The following ZNF385D variants were observed in gnomAD, a reference collection of about 807,000 sequenced individuals.
ZNF385D encodes zinc finger protein 385D.
ZNF385D carries 15 observed loss-of-function variants against 35.8 expected under a neutral mutation model. That is an observed-to-expected ratio of 0.42 (90% CI 0.28 to 0.64). ZNF385D has a LOEUF of 0.64. ZNF385D is among the 30% of genes least tolerant of loss of function. ZNF385D has a pLI of 0.23. For synonymous variants in ZNF385D, 212 were observed against 186.8 expected (o/e 1.13, Z -1.10); for missense variants, 474 against 494.6 (o/e 0.96, Z 0.39).
At chr3:22,218,172 T>G (rs1230678816) in intron 2 of ZNF385D, among the ~76,000 whole-genome samples, 3 of 152,138 alleles carry the variant, frequency 2.0e-5, no homozygotes, top group Non-Finnish European at 4.4e-5. Context: ...ATCAAATCTT[T>G]AGATCAATTT....
At chr3:21,716,941 G>T (rs991184242) in intron 1 of ZNF385D, among the ~76,000 whole-genome samples, 16 of 152,056 alleles carry the variant, frequency 1.1e-4, no homozygotes, top group African/African-American at 3.9e-4. Flanking sequence ...GGCCAACATG[G>T]TGAAACCCCG....
intron 3 of ZNF385D, among the ~76,000 whole-genome samples, chr3:21,813,839 G>A (rs1245808161): frequency 1.3e-5 from 2 of 152,002 alleles, no homozygotes; most frequent in African/African-American, 2.4e-5. Context: ...TGAAATTCAG[G>A]AAATACAGAG....
At chr3:21,447,284 A>G (rs2125266967) in intron 4 of ZNF385D, among the ~76,000 whole-genome samples, 1 of 152,308 alleles carries the variant, frequency 6.6e-6, no homozygotes, top group African/African-American at 2.4e-5. Context: ...AATGATTTGG[A>G]TGCCACTAGA....
intron 3 of ZNF385D, among the ~76,000 whole-genome samples, chr3:21,806,112 T>G (rs2072630407): frequency 6.6e-6 from 1 of 152,104 alleles, no homozygotes; most frequent in Non-Finnish European, 1.5e-5. Context: ...GGTACTCAAG[T>G]GGTGCTTGCC....
chr3:22,354,035 CT>C (rs113069185), intron 2 of ZNF385D, among the ~76,000 whole-genome samples: 2 of 151,828 alleles, frequency 1.3e-5, no homozygotes, highest in Admixed American at 6.6e-5. Context: ...GCATTATCTT[CT>C]TTTTTTTGGT....
At chr3:21,428,090 G>A (rs1214656962) in intron 5 of ZNF385D, among the ~76,000 whole-genome samples, 1 of 152,074 alleles carries the variant, frequency 6.6e-6, no homozygotes, top group East Asian at 1.9e-4. Flanking sequence ...CTTAAAGCTT[G>A]AGTAGGCAGT....
At chr3:21,494,620 C>T (rs1416586530) in intron 4 of ZNF385D, among the ~76,000 whole-genome samples, 2 of 152,142 alleles carry the variant, frequency 1.3e-5, no homozygotes, top group Non-Finnish European at 2.9e-5. Context: ...ATTTTCCTAA[C>T]TCAGAACCTG....
Position 22,043,696 on chromosome 3 carries a change from T to G in ZNF385D, c.325+125121A>C, listed in dbSNP as rs575940958. Among the ~76,000 whole-genome samples the G allele has an allele frequency of 2.0e-4, 30 of 151,486 alleles. No homozygotes were observed. In the South Asian group the frequency reaches 6.1e-3, roughly 31 times the overall value. On this transcript the variant is annotated intron_variant, in intron 3 of 5. Coordinates refer to the ZNF385D transcript ENST00000494108. ...CCCTTGCCTAAGGGTCTTCAAGACC[T>G]TGTTGCAGCCTCACCTCATTGACTG...
At chr3:21,652,882 G>A (rs1346832895) in intron 2 of ZNF385D, among the ~76,000 whole-genome samples, 1 of 152,128 alleles carries the variant, frequency 6.6e-6, no homozygotes, top group African/African-American at 2.4e-5. Flanking sequence ...GATCACCTGA[G>A]TATTAACGTG....
At chr3:22,049,785 T>A (rs1318227677) in intron 3 of ZNF385D, among the ~76,000 whole-genome samples, 1 of 152,162 alleles carries the variant, frequency 6.6e-6, no homozygotes, top group African/African-American at 2.4e-5. Flanking sequence ...ATTCTGTTAA[T>A]GTGGTATATT....
chr3:21,797,746 T>G lies in ZNF385D; in HGVS notation c.326-132718A>C, dbSNP rs75659211. On this transcript the variant is annotated intron_variant, in intron 3 of 5. Transcript: ENST00000494108. The stretch of plus-strand genomic sequence containing the variant: ...ATATTATCAAGTGAAACGAGCAAAT[T>G]TGAAGAGGCCCCATGCTATATGATT... 3.2e-3 allele frequency among the ~76,000 whole-genome samples: 489 copies of G among 152,212 alleles called. 1 individual carries two copies. The highest frequency in any genetic ancestry group is 5.7e-3 in the Non-Finnish European group (391 of 68,008).
At chr3:22,328,000 T>C (rs1211674216) in intron 2 of ZNF385D, among the ~76,000 whole-genome samples, 1 of 152,216 alleles carries the variant, frequency 6.6e-6, no homozygotes, top group Admixed American at 6.5e-5. Flanking sequence ...CTTCTAAATA[T>C]ACACATTATT....
chr3:21,572,628 T>G (rs2063368564), intron 2 of ZNF385D, among the ~76,000 whole-genome samples: 1 of 152,048 alleles, frequency 6.6e-6, no homozygotes, highest in Non-Finnish European at 1.5e-5. Context: ...CTGTTAAGAG[T>G]GTTTCAGGTA....
chr3:21,738,040 C>G (rs919675519), intron 1 of ZNF385D, among the ~76,000 whole-genome samples: 5 of 152,200 alleles, frequency 3.3e-5, no homozygotes, highest in Admixed American at 1.3e-4. Flanking sequence ...ATATCTCCAG[C>G]CCTGTGCAGA....
intron 3 of ZNF385D, among the ~76,000 whole-genome samples, chr3:22,158,507 A>C (rs73145019): frequency 0.011 from 1,733 of 152,182 alleles, 36 homozygotes; most frequent in African/African-American, 0.039. Flanking sequence ...TTTATTTTCA[A>C]GTTTCTTACA....
At chr3:22,084,318 CTG>C (rs1700915746) in intron 3 of ZNF385D, among the ~76,000 whole-genome samples, 1 of 152,134 alleles carries the variant, frequency 6.6e-6, no homozygotes, top group Non-Finnish European at 1.5e-5. Context: ...CATCAGTGTA[CTG>C]TATTCAGGAG....
chr3:22,155,397 G>A (rs1310708363), intron 3 of ZNF385D, among the ~76,000 whole-genome samples: 4 of 151,842 alleles, frequency 2.6e-5, no homozygotes, highest in Admixed American at 6.6e-5. Context: ...TTTTTTTCTG[G>A]AACTAAAGAG....
At chr3:22,105,307 C>CT (rs71618882) in intron 3 of ZNF385D, among the ~76,000 whole-genome samples, 3,018 of 143,874 alleles carry the variant, frequency 0.021, 53 homozygotes, top group Non-Finnish European at 0.03. Flanking sequence ...TGCATATTGC[C>CT]TTTTTTTTTT....
chr3:21,717,383 C>T (rs2054943), intron 1 of ZNF385D, among the ~76,000 whole-genome samples: 64,936 of 152,008 alleles, frequency 0.43, 14,068 homozygotes, highest in South Asian at 0.61. Flanking sequence ...GTATTTGGAA[C>T]GCACATGGGG....
Sources: allele counts gnomAD v4.1 joint callset (sites outside exome capture counted in the v4.1 genomes callset), GRCh38; gene constraint gnomAD v4.1.1; transcripts MANE v1.5; gene names NCBI Gene and HGNC (gene_info 2026-07-23, HGNC 2026-07-21).